Variants in NRXN3 observed in about 807,000 individuals in gnomAD.
NRXN3 encodes the protein neurexin 3.
NRXN3 carries 32 observed loss-of-function variants against 137.6 expected under a neutral mutation model. The ratio of observed to expected loss-of-function variants is 0.23; its 90% CI spans 0.18 to 0.31. The LOEUF (loss-of-function observed/expected upper bound fraction) is 0.31. Ranked by LOEUF, NRXN3 falls within the 10% of genes least tolerant of loss-of-function variation. The pLI is 1.00. For missense variants in NRXN3, 1,574 were observed against 2,062.5 expected (o/e 0.76, Z 4.59); for synonymous variants, 798 against 784.5 (o/e 1.02, Z -0.29).
At position 79,194,726 on chromosome 14, in the gene NRXN3, T is replaced by A. The variant is rs191414289; in HGVS notation, c.3262+206585T>A. On this transcript the variant is annotated intron_variant, in intron 15 of 20. Transcript: ENST00000335750. ...GAAGGCACACAAGAGACAAATGAAATGTGTGTGTATAAACCTGGCTTTGGT... is the reference window on the plus strand; with the variant it reads ...GAAGGCACACAAGAGACAAATGAAAAGTGTGTGTATAAACCTGGCTTTGGT... Among the ~76,000 whole-genome samples the A allele has an allele frequency of 2.8e-4, 42 of 152,280 alleles. No homozygotes were observed. The East Asian group carries it at 7.8e-3, about 28-fold the overall frequency.
intron 4 of NRXN3, among the ~76,000 whole-genome samples, chr14:78,514,674 G>A (rs1405484540): frequency 6.6e-6 from 1 of 152,112 alleles, no homozygotes; most frequent in East Asian, 1.9e-4. Flanking sequence ...TACATCTTAA[G>A]TATGGAGACA....
rs571187040 is a variant in NRXN3 at position 79,147,789 on chromosome 14, C to A, written c.3262+159648C>A. Among the ~76,000 whole-genome samples the A allele has an allele frequency of 8.5e-5, 13 of 152,192 alleles. No individual in the cohort carries two copies. In the East Asian group the frequency reaches 1.9e-3, roughly 23 times the overall value. ...AGGCATCGTTGCTTTCCAGATGCCACCTTTACTATAAGAATCGAAGTCCTT... is the reference window on the plus strand; with the variant it reads ...AGGCATCGTTGCTTTCCAGATGCCAACTTTACTATAAGAATCGAAGTCCTT... On this transcript the variant is annotated intron_variant, in intron 15 of 20. Coordinates refer to ENST00000335750, the MANE Select transcript of NRXN3 (RefSeq NM_001330195.2).
chr14:78,984,447 GGGGGCTTCCTTAAGTA>G (rs2099497863), intron 14 of NRXN3, among the ~76,000 whole-genome samples: 1 of 152,160 alleles, frequency 6.6e-6, no homozygotes, highest in Non-Finnish European at 1.5e-5. Context: ...TTCTGCTAAT[GGGGGCTTCCTTAAGTA>G]GGATAGTTTG....
At chr14:79,261,049 G>T (rs1238171882) in intron 15 of NRXN3, among the ~76,000 whole-genome samples, 1 of 152,062 alleles carries the variant, frequency 6.6e-6, no homozygotes, top group East Asian at 1.9e-4. Flanking sequence ...GAGATTCAAA[G>T]GTAAGAAAGG....
rs2093039616 is a variant in NRXN3 at position 79,348,761 on chromosome 14, T to G, written c.3263-118460T>G. ...GATTAGTGTTATCACTGGGAAGTGA[T>G]TGTAACTTTTGGGTTTGTACCAAGA... On this transcript the variant is annotated intron_variant, in intron 15 of 20. Coordinates refer to ENST00000335750, the MANE Select transcript of NRXN3 (RefSeq NM_001330195.2). 3.9e-5 allele frequency among the ~76,000 whole-genome samples: 6 copies of G among 152,306 alleles called. 1 individual carries two copies. In the South Asian group the frequency reaches 1.2e-3, roughly 32 times the overall value.
intron 15 of NRXN3, among the ~76,000 whole-genome samples, chr14:79,107,183 C>A (rs1483935059): frequency 6.6e-6 from 1 of 152,076 alleles, no homozygotes; most frequent in East Asian, 1.9e-4. Context: ...CCATAAAGTT[C>A]ATTTAATACA....
chr14:79,799,370 A>G (rs890388972), intron 19 of NRXN3, among the ~76,000 whole-genome samples: 3 of 152,226 alleles, frequency 2.0e-5, no homozygotes, highest in Non-Finnish European at 4.4e-5. Context: ...GTGAAACTGC[A>G]TTGCAGTCAT....
At chr14:78,542,678 C>CCCT (rs1479166173) in intron 4 of NRXN3, among the ~76,000 whole-genome samples, 1 of 152,144 alleles carries the variant, frequency 6.6e-6, no homozygotes, top group Non-Finnish European at 1.5e-5. Flanking sequence ...CTTCAGCTTG[C>CCCT]CCTCCATGGG....
At chr14:79,753,034 C>CTA (rs2099004108) in intron 19 of NRXN3, among the ~76,000 whole-genome samples, 2 of 150,896 alleles carry the variant, frequency 1.3e-5, no homozygotes, top group African/African-American at 4.8e-5. Flanking sequence ...CATCTCACAC[C>CTA]AGTTAGAATG....
chr14:78,596,779 G>A (rs889418169), intron 4 of NRXN3, among the ~76,000 whole-genome samples: 2 of 152,146 alleles, frequency 1.3e-5, no homozygotes, highest in African/African-American at 4.8e-5. Flanking sequence ...TCACTTCCTT[G>A]CATCATCATT....
chr14:79,187,543 T>C (rs765283181), intron 15 of NRXN3, among the ~76,000 whole-genome samples: 1 of 152,232 alleles, frequency 6.6e-6, no homozygotes, highest in Non-Finnish European at 1.5e-5. Context: ...TTTACCCTTC[T>C]AAAAGGTAAT....
chr14:78,815,479 CTTTTTTTTTTTT>C (rs61411777), intron 10 of NRXN3, among the ~76,000 whole-genome samples: 3 of 84,436 alleles, frequency 3.6e-5, no homozygotes, highest in South Asian at 5.7e-4. Context: ...TTGTTTCTTT[CTTTTTTTTTTTT>C]TTTTTTTTTT....
At chr14:79,543,193 C>CT (rs1435398308) in intron 16 of NRXN3, among the ~76,000 whole-genome samples, 1 of 152,196 alleles carries the variant, frequency 6.6e-6, no homozygotes, top group Non-Finnish European at 1.5e-5. Context: ...AAGGCATCAC[C>CT]TGATTGCCAA....
intron 4 of NRXN3, among the ~76,000 whole-genome samples, chr14:78,553,354 C>T (rs1380082870): frequency 6.6e-6 from 1 of 152,128 alleles, no homozygotes; most frequent in East Asian, 1.9e-4. Flanking sequence ...GGCTTATTTT[C>T]ACTTGCTCTG....
chr14:79,395,491 G>T (rs1021603229), intron 15 of NRXN3, among the ~76,000 whole-genome samples: 1 of 152,082 alleles, frequency 6.6e-6, no homozygotes, highest in Non-Finnish European at 1.5e-5. Flanking sequence ...TGCATATGTG[G>T]AGTGTGTGTG....
At chr14:79,038,732 A>T (rs1595233275) in intron 15 of NRXN3, among the ~76,000 whole-genome samples, 1 of 152,114 alleles carries the variant, frequency 6.6e-6, no homozygotes, top group Admixed American at 6.6e-5. Context: ...CTTTGCAGAA[A>T]GGAGCCTTAT....
intron 15 of NRXN3, among the ~76,000 whole-genome samples, chr14:79,133,784 G>T (rs1339143321): frequency 6.6e-6 from 1 of 151,560 alleles, no homozygotes; most frequent in African/African-American, 2.4e-5. Flanking sequence ...AAAAAATTAG[G>T]TGGGCGTGGT....
intron 8 of NRXN3, among the ~76,000 whole-genome samples, chr14:78,746,696 C>A (rs1019216142): frequency 2.0e-5 from 3 of 152,140 alleles, no homozygotes; most frequent in African/African-American, 7.2e-5. Flanking sequence ...GATGCCTAAC[C>A]ACCCATGGGC....
intron 4 of NRXN3, chr14:78,404,026 C>A (rs2092309918): frequency 3.2e-6 from 1 of 308,512 alleles, no homozygotes. Context: ...TTGAAGTAGC[C>A]AAATGAACTC....
Sources: allele counts gnomAD v4.1 joint callset (sites outside exome capture counted in the v4.1 genomes callset), GRCh38; gene constraint gnomAD v4.1.1; transcripts MANE v1.5; gene names NCBI Gene and HGNC (gene_info 2026-07-23, HGNC 2026-07-21).